IQGAP2: variants seen among roughly 807,000 people sequenced by gnomAD.
IQGAP2 encodes ras GTPase-activating-like protein IQGAP2.
IQGAP2 carries 173 observed loss-of-function variants against 201.3 expected under a neutral mutation model. The ratio of observed to expected loss-of-function variants is 0.86; its 90% confidence interval spans 0.76 to 0.98. The LOEUF is 0.98. IQGAP2 is among the 50% of genes least tolerant of loss of function. IQGAP2 has a pLI of 0.00. For missense variants in IQGAP2, 1,687 were observed against 1,864.8 expected (o/e 0.90, Z 1.76); for synonymous variants, 675 against 673.9 (o/e 1.00, Z -0.03).
chr5:76,592,921 C>G lies in IQGAP2; in HGVS notation c.903C>G (p.Val301=), dbSNP rs748820857. 1.3e-6 allele frequency: 2 copies of G among 1,591,302 alleles called. No homozygotes were observed. Among genetic ancestry groups the G allele is most frequent in the African/African-American group, 1.3e-5 (1 of 74,430 alleles). The part of the protein sequence containing the change: ...QAEIQGNINK[V]NRQAAVDHIN... Reference sequence around the variant, plus strand: ...AAATCCAAGGCAATATTAATAAAGTCAACAGTAAGTAATGGATCGTATGAA... The same window carrying G: ...AAATCCAAGGCAATATTAATAAAGTGAACAGTAAGTAATGGATCGTATGAA... Residue 301 remains valine, a synonymous_variant, in exon 9 of 36, where the codon GTC becomes GTG. Transcript: ENST00000274364.
chr5:76,597,102 T>G, intron 9 of IQGAP2: 1 of 229,330 alleles, frequency 4.4e-6, no homozygotes, highest in East Asian at 1.0e-4. Flanking sequence ...TGAGAAATCC[T>G]TAAGGACTGG....
chr5:76,611,866 C>T (rs1748440085), intron 13 of IQGAP2, among the ~76,000 whole-genome samples: 2 of 152,102 alleles, frequency 1.3e-5, no homozygotes, highest in Admixed American at 1.3e-4. Context: ...GATCTGTCAC[C>T]TAAGAGTGGG....
chr5:76,487,891 A>G (rs2150152258), intron 2 of IQGAP2, among the ~76,000 whole-genome samples: 1 of 152,360 alleles, frequency 6.6e-6, no homozygotes, highest in Non-Finnish European at 1.5e-5. Context: ...AAAATTCAAA[A>G]TGGTAGAACC....
At chr5:76,409,322 C>T (rs1750978660) in intron 1 of IQGAP2, among the ~76,000 whole-genome samples, 1 of 140,256 alleles carries the variant, frequency 7.1e-6, no homozygotes, top group African/African-American at 2.7e-5. Context: ...TCTCAGCTCA[C>T]TGCAACCTCT....
At chr5:76,434,375 A>G (rs1561368524) in intron 1 of IQGAP2, among the ~76,000 whole-genome samples, 1 of 152,042 alleles carries the variant, frequency 6.6e-6, no homozygotes, top group Non-Finnish European at 1.5e-5. Context: ...TCCAAAGTCC[A>G]TTATGCCACT....
intron 21 of IQGAP2, among the ~76,000 whole-genome samples, chr5:76,663,119 T>C (rs1042444808): frequency 3.3e-5 from 5 of 152,222 alleles, no homozygotes; most frequent in Admixed American, 2.6e-4. Flanking sequence ...AGGCAAGACC[T>C]GACGGTGGTT....
intron 2 of IQGAP2, among the ~76,000 whole-genome samples, chr5:76,560,279 A>G: frequency 6.7e-6 from 1 of 150,324 alleles, no homozygotes; most frequent in East Asian, 2.0e-4. Flanking sequence ...CAACCCCCTG[A>G]GTAACTGGGA....
chr5:76,609,841 A>ATGTGTG lies in IQGAP2; in HGVS notation c.1358-1159_1358-1154dup, dbSNP rs34776267. On this transcript the variant is annotated intron_variant, in intron 12 of 35. Coordinates refer to ENST00000274364, the MANE Select transcript of IQGAP2 (RefSeq NM_006633.5). ...GTGTATATGTGTGTTTTATATATAT[A>ATGTGTG]TGTGTGTGTGTGTGTGTGTGTGTGT... is the stretch of plus-strand genomic sequence containing the variant. 6.2e-5 allele frequency among the ~76,000 whole-genome samples: 9 copies of ATGTGTG among 145,326 alleles called. No individual in the cohort carries two copies. In the South Asian group the frequency reaches 1.5e-3, roughly 25 times the overall value.
chr5:76,510,142 G>A (rs1010927179), intron 2 of IQGAP2, among the ~76,000 whole-genome samples: 15 of 152,038 alleles, frequency 9.9e-5, no homozygotes, highest in Non-Finnish European at 1.8e-4. Context: ...TGGGATTACA[G>A]GCACCCGCCA....
At chr5:76,438,038 T>TG (rs70982608) in intron 1 of IQGAP2, among the ~76,000 whole-genome samples, 52,393 of 116,890 alleles carry the variant, frequency 0.45, 11,561 homozygotes, top group East Asian at 0.54. Context: ...TTTGTTTGTT[T>TG]TTTTTTTTGT....
At chr5:76,622,644 A>G (rs1749813318) in intron 13 of IQGAP2, among the ~76,000 whole-genome samples, 1 of 152,226 alleles carries the variant, frequency 6.6e-6, no homozygotes, top group Admixed American at 6.5e-5. Flanking sequence ...AAATTAAAAA[A>G]TCATATATGA....
chr5:76,572,140 C>T (rs916689495), intron 4 of IQGAP2, among the ~76,000 whole-genome samples: 2 of 152,056 alleles, frequency 1.3e-5, no homozygotes, highest in African/African-American at 2.4e-5. Flanking sequence ...ACATCGTTTC[C>T]ACTCTGTATA....
chr5:76,695,764 T>G (rs1333543519), intron 32 of IQGAP2, 98 bp downstream of exon 32: 6 of 880,256 alleles, frequency 6.8e-6, no homozygotes, highest in Non-Finnish European at 1.1e-5. Flanking sequence ...TAGGGATTCA[T>G]GGTTGCATAT....
At chr5:76,485,854 T>C (rs1332716700) in intron 2 of IQGAP2, among the ~76,000 whole-genome samples, 4 of 152,226 alleles carry the variant, frequency 2.6e-5, no homozygotes, top group African/African-American at 9.7e-5. Context: ...TTTCCAATTG[T>C]ATTTTATATA....
intron 20 of IQGAP2, among the ~76,000 whole-genome samples, chr5:76,655,959 T>TA (rs2150438771): frequency 6.6e-6 from 1 of 152,328 alleles, no homozygotes; most frequent in East Asian, 1.9e-4. Flanking sequence ...TACTAGTACT[T>TA]ACAGTGCCTA....
At chr5:76,468,382 G>T (rs1317347008) in intron 2 of IQGAP2, among the ~76,000 whole-genome samples, 1 of 152,116 alleles carries the variant, frequency 6.6e-6, no homozygotes, top group Non-Finnish European at 1.5e-5. Flanking sequence ...TCGCCATTTG[G>T]TTGAACTTTT....
chr5:76,512,274 C>T lies in IQGAP2; in HGVS notation c.147-50122C>T, dbSNP rs1355857458. Among the ~76,000 whole-genome samples, 3 of 152,186 alleles carry T rather than the reference C, an allele frequency of 2.0e-5. No homozygotes were observed. In the East Asian group the frequency reaches 5.8e-4, roughly 29 times the overall value. On this transcript the variant is annotated intron_variant, in intron 2 of 35. Coordinates refer to ENST00000274364, the MANE Select transcript of IQGAP2 (RefSeq NM_006633.5). ...AAGAAGTTACTTGGGCATCCAAAAA[C>T]AGATCGTAAGACACATTGAAAGTGT...
In IQGAP2 at chr5:76,695,674, G is replaced by T; in HGVS notation, c.4206+8G>T. On this transcript the variant is annotated splice_region_variant and intron_variant, in intron 32 of 35. Coordinates refer to ENST00000274364, the MANE Select transcript of IQGAP2 (RefSeq NM_006633.5). ...CTCAATGAGATTGCCAAGGTTTTTG[G>T]AAACAGTATTCTTTCTTCCTTCACT... is the stretch of plus-strand genomic sequence containing the variant. 1 of 1,607,802 alleles carries T rather than the reference G, an allele frequency of 6.2e-7. No individual in the cohort carries two copies. Among genetic ancestry groups the T allele is most frequent in the Non-Finnish European group, 8.5e-7 (1 of 1,174,540 alleles).
At chr5:76,431,750 G>A (rs1752378293) in intron 1 of IQGAP2, among the ~76,000 whole-genome samples, 2 of 151,560 alleles carry the variant, frequency 1.3e-5, no homozygotes, top group Admixed American at 6.6e-5. Flanking sequence ...TTGAACCTGG[G>A]AGGCGGAGAT....
Sources: allele counts gnomAD v4.1 joint callset (sites outside exome capture counted in the v4.1 genomes callset), GRCh38; gene constraint gnomAD v4.1.1; transcripts MANE v1.5; gene names NCBI Gene and HGNC (gene_info 2026-07-23, HGNC 2026-07-21).